The following ANK2 variants were observed in gnomAD, a reference collection of about 807,000 sequenced individuals.
ANK2 encodes the protein ankyrin-2.
In ANK2, 83 loss-of-function variants were observed where a neutral mutation model predicts 360.5. The ratio of observed to expected loss-of-function variants is 0.23; its 90% CI spans 0.19 to 0.28. The LOEUF is 0.28. ANK2 is among the 10% of genes least tolerant of loss of function. The probability of loss-of-function intolerance (pLI) is 1.00; values close to 1 mark genes in which losing one functional copy is unlikely to be tolerated. For missense variants in ANK2, 4,201 were observed against 4,795.7 expected (o/e 0.88, Z 3.66); for synonymous variants, 1,740 against 1,759.5 (o/e 0.99, Z 0.28).
Position 113,088,032 on chromosome 4 carries a change from G to T in ANK2, c.84+38220G>T, listed in dbSNP as rs1278411636. 4.6e-5 allele frequency among the ~76,000 whole-genome samples: 7 copies of T among 152,046 alleles called. 1 individual carries two copies. The highest frequency in any genetic ancestry group is 4.6e-4 in the Admixed American group (7 of 15,262). On this transcript the variant is annotated intron_variant, in intron 1 of 45. Transcript: ENST00000357077. Reference sequence around the variant, plus strand: ...TTTATTGGTTCTCTTTTTGAAAATGGAAGTGTTTCTAAAATTTCTAGAAAA... The same window carrying T: ...TTTATTGGTTCTCTTTTTGAAAATGTAAGTGTTTCTAAAATTTCTAGAAAA...
At chr4:113,376,870 G>A in intron 45 of ANK2, among the ~76,000 whole-genome samples, 1 of 129,324 alleles carries the variant, frequency 7.7e-6, no homozygotes, top group African/African-American at 2.8e-5. Flanking sequence ...GCCTACACAA[G>A]GTCAGAATAA....
chr4:113,199,195 T>C, intron 4 of ANK2, 86 bp downstream of exon 4: 2 of 1,047,066 alleles, frequency 1.9e-6, no homozygotes, highest in Non-Finnish European at 2.9e-6. Context: ...AGCTAGCTGT[T>C]CTACTGATAA....
intron 1 of ANK2, among the ~76,000 whole-genome samples, chr4:113,116,427 A>T (rs1321697763): frequency 1.3e-5 from 2 of 152,124 alleles, no homozygotes; most frequent in Non-Finnish European, 2.9e-5. Flanking sequence ...TCTATGCTTA[A>T]TGCAGCTCCC....
chr4:113,022,682 A>C (rs2058434861), intron 2 of ANK2, among the ~76,000 whole-genome samples: 1 of 152,224 alleles, frequency 6.6e-6, no homozygotes, highest in South Asian at 2.1e-4. Context: ...TTAAGCCAGC[A>C]GATTTGGTGT....
intron 43 of ANK2, among the ~76,000 whole-genome samples, chr4:113,371,804 T>A (rs1187430702): frequency 6.6e-6 from 1 of 152,230 alleles, no homozygotes; most frequent in Admixed American, 6.5e-5. Context: ...AGTTTTACAG[T>A]GTGTTAAGTA....
intron 14 of ANK2, among the ~76,000 whole-genome samples, chr4:113,272,450 C>T (rs1036445717): frequency 3.3e-5 from 5 of 152,184 alleles, no homozygotes; most frequent in Admixed American, 6.5e-5. Flanking sequence ...GCAGTAAATT[C>T]AACTTTTGCA....
intron 2 of ANK2, among the ~76,000 whole-genome samples, chr4:113,035,931 C>A (rs1207328411): frequency 6.6e-6 from 1 of 151,920 alleles, no homozygotes; most frequent in Non-Finnish European, 1.5e-5. Context: ...GTGGGTAAAA[C>A]ACCATAGCAT....
intron 22 of ANK2, among the ~76,000 whole-genome samples, chr4:113,295,709 C>T (rs552106913): frequency 9.8e-5 from 15 of 152,308 alleles, no homozygotes; most frequent in African/African-American, 3.6e-4. Context: ...AGCATTTCTC[C>T]TTTCAGTTAG....
At chr4:113,350,685 A>G (rs966625158) in intron 37 of ANK2, 7 of 176,460 alleles carry the variant, frequency 4.0e-5, no homozygotes, top group African/African-American at 1.7e-4. Flanking sequence ...TGCAAAAGTG[A>G]TACTGTCTAA....
At chr4:112,764,230 A>G in the ANK2 span, among the ~76,000 whole-genome samples, 1 of 152,106 alleles carries the variant, frequency 6.6e-6, no homozygotes, top group Non-Finnish European at 1.5e-5. Flanking sequence ...GGCATGAGCC[A>G]CTGCGCCCGG....
At chr4:112,917,179 G>A (rs959701844) in intron 2 of ANK2, among the ~76,000 whole-genome samples, 1 of 152,172 alleles carries the variant, frequency 6.6e-6, no homozygotes, top group Non-Finnish European at 1.5e-5. Context: ...ACTACTTTAT[G>A]CTACCAACTT....
intron 1 of ANK2, among the ~76,000 whole-genome samples, chr4:113,058,956 C>T (rs925911641): frequency 1.3e-5 from 2 of 152,106 alleles, no homozygotes; most frequent in African/African-American, 2.4e-5. Context: ...GAAGATCAAG[C>T]CATCAGCTGA....
chr4:112,768,785 A>G, the ANK2 span, among the ~76,000 whole-genome samples: 1 of 152,156 alleles, frequency 6.6e-6, no homozygotes, highest in African/African-American at 2.4e-5. Context: ...TTACATTTCC[A>G]TCTGACTTAT....
At chr4:112,883,343 T>G (rs1180370584) in intron 1 of ANK2, among the ~76,000 whole-genome samples, 1 of 152,078 alleles carries the variant, frequency 6.6e-6, no homozygotes, top group African/African-American at 2.4e-5. Context: ...CCGGCCTGCT[T>G]GATCAGTCTT....
intron 2 of ANK2, among the ~76,000 whole-genome samples, chr4:112,946,219 A>T (rs2094533677): frequency 6.6e-6 from 1 of 152,192 alleles, no homozygotes; most frequent in African/African-American, 2.4e-5. Flanking sequence ...CACAAACACC[A>T]GAGCCTTTCG....
intron 2 of ANK2, among the ~76,000 whole-genome samples, chr4:112,905,551 A>G (rs2084906114): frequency 6.6e-6 from 1 of 152,234 alleles, no homozygotes; most frequent in South Asian, 2.1e-4. Flanking sequence ...ATTATTTAAC[A>G]TACATTTTCT....
chr4:113,093,383 A>G (rs552296037), intron 1 of ANK2, among the ~76,000 whole-genome samples: 44 of 152,188 alleles, frequency 2.9e-4, no homozygotes, highest in African/African-American at 9.6e-4. Flanking sequence ...TTTATTCGAG[A>G]TGGAGTCTTG....
intron 2 of ANK2, among the ~76,000 whole-genome samples, chr4:113,038,574 C>T (rs982901543): frequency 6.6e-6 from 1 of 151,920 alleles, no homozygotes; most frequent in African/African-American, 2.4e-5. Context: ...TCCATATGCT[C>T]TTCAGCAATG....
intron 1 of ANK2, among the ~76,000 whole-genome samples, chr4:112,848,463 G>A (rs2063854331): frequency 6.6e-6 from 1 of 152,126 alleles, no homozygotes. Flanking sequence ...CACCCTGCCA[G>A]AAAAATGGAT....
Sources: gnomAD v4.1 joint callset for allele counts (sites outside exome capture counted in the v4.1 genomes callset) on GRCh38, gnomAD v4.1.1 for gene constraint, MANE v1.5 for transcripts, NCBI Gene and HGNC (gene_info 2026-07-23, HGNC 2026-07-21) for gene names.